Variants in POLK observed in about 807,000 individuals in gnomAD.
The protein encoded by POLK is polymerase (DNA directed) kappa.
In POLK, 76 loss-of-function variants were observed where a neutral mutation model predicts 94.0. The ratio of observed to expected loss-of-function variants is 0.81; its 90% CI spans 0.67 to 0.98. The LOEUF is 0.98. Ranked by LOEUF, POLK falls within the 50% of genes least tolerant of loss-of-function variation. The probability of loss-of-function intolerance (pLI) is 0.00; values close to 1 mark genes in which losing one functional copy is unlikely to be tolerated. For synonymous variants in POLK, 349 were observed against 325.4 expected, an observed-to-expected ratio of 1.07 and a Z score of -0.78; for missense variants, 954 against 1,010.1, an observed-to-expected ratio of 0.94 and a Z score of 0.75.
At chr5:75,540,809 G>T (rs138256358) in intron 1 of POLK, among the ~76,000 whole-genome samples, 1 of 152,148 alleles carries the variant, frequency 6.6e-6, no homozygotes, top group African/African-American at 2.4e-5. Flanking sequence ...AGTGCCCAAA[G>T]AAACTCCCAG....
At chr5:75,547,063 A>G in exon 2 of POLK, 1 of 1,534,190 alleles carries the variant, frequency 6.5e-7, no homozygotes, top group Non-Finnish European at 8.9e-7. Context: ...TACAAAGATG[A>G]TCTTCTGCTT....
At chr5:75,547,037 G>A (rs1023215944) in exon 2 of POLK, 4 of 1,525,536 alleles carry the variant, frequency 2.6e-6, no homozygotes, top group Non-Finnish European at 3.6e-6. Flanking sequence ...ATAGCACAAA[G>A]GAGAAGTGTG....
chr5:75,513,503 C>A (rs992001968), intron 1 of POLK, among the ~76,000 whole-genome samples: 2 of 152,216 alleles, frequency 1.3e-5, no homozygotes, highest in South Asian at 2.1e-4. Context: ...TTCTAACATT[C>A]GAGAATAAGA....
At chr5:75,531,320 G>T (rs974482371) in intron 1 of POLK, among the ~76,000 whole-genome samples, 17 of 148,870 alleles carry the variant, frequency 1.1e-4, no homozygotes, top group African/African-American at 3.7e-4. Context: ...TATATATTTA[G>T]TATATAGTAT....
intron 1 of POLK, among the ~76,000 whole-genome samples, chr5:75,527,964 G>A (rs1768954414): frequency 6.6e-6 from 1 of 152,132 alleles, no homozygotes. Flanking sequence ...ACACTGCACA[G>A]CCATTAAAAA....
chr5:75,546,424 T>A (rs1403889657), intron 1 of POLK, among the ~76,000 whole-genome samples: 1 of 152,144 alleles, frequency 6.6e-6, no homozygotes, highest in African/African-American at 2.4e-5. Context: ...AATTCAAATA[T>A]AAGTGGATCC....
chr5:75,573,762 A>T lies in POLK; in HGVS notation c.433A>T (p.Arg145Ter). Residue 145 changes from arginine (R) to a stop codon, truncating the protein, a stop_gained, in exon 5 of 15, where the codon AGA (arginine) becomes TGA (stop). Coordinates refer to ENST00000241436, the Ensembl canonical transcript of POLK. LOFTEE classifies it high-confidence loss of function. ...GTCTACTTCAAATTACCATGCAAGG[A>T]GATTTGGTGTTCGTGCAGCCATGCC... The T allele has an allele frequency of 6.2e-7, 1 of 1,613,092 alleles. No homozygotes were observed. Among genetic ancestry groups the T allele is most frequent in the South Asian group, 1.1e-5 (1 of 91,052 alleles).
At chr5:75,596,532 A>G (rs747532032) in exon 13 of POLK, 10 of 1,613,968 alleles carry the variant, frequency 6.2e-6, no homozygotes, top group Non-Finnish European at 6.8e-6. Context: ...TGGAAATATC[A>G]GAGAATTCAG....
At chr5:75,556,649 T>C (rs903828581) in intron 3 of POLK, among the ~76,000 whole-genome samples, 152 of 152,262 alleles carry the variant, frequency 1.0e-3, no homozygotes, top group African/African-American at 3.4e-3. Flanking sequence ...GTTTTGCATT[T>C]TACAGTTAGG....
chr5:75,569,288 TGTTTCAA>T (rs1771454683), intron 3 of POLK, 45 bp from the exon 4 acceptor site: 2 of 1,210,912 alleles, frequency 1.7e-6, no homozygotes, highest in Non-Finnish European at 2.4e-6. Context: ...TGGTTAATGG[TGTTTCAA>T]TATTATGTTG....
At chr5:75,594,111 T>A in intron 12 of POLK, 62 bp downstream of exon 12, 1 of 1,313,182 alleles carries the variant, frequency 7.6e-7, no homozygotes, top group Non-Finnish European at 1.1e-6. Context: ...AATAATCAAC[T>A]TTGGGAATAC....
In POLK at chr5:75,537,485, A is replaced by G. The variant is rs114873381; in HGVS notation, c.-13-9525A>G. On this transcript the variant is annotated intron_variant, in intron 1 of 14. Transcript: ENST00000241436. ...TTCCCTGCTGCCTTGATAGATCTCA[A>G]CGTTGTTTCTCAGATGATCAGCTTG... Among the ~76,000 whole-genome samples the G allele has an allele frequency of 5.2e-3, 799 of 152,194 alleles. 3 individuals carry two copies. The highest frequency in any genetic ancestry group is 0.011 in the South Asian group (54 of 4,794).
intron 3 of POLK, among the ~76,000 whole-genome samples, chr5:75,564,077 A>G (rs1008076688): frequency 1.3e-5 from 2 of 152,146 alleles, no homozygotes; most frequent in African/African-American, 4.8e-5. Context: ...TCTGGGTGCT[A>G]CTGCATTGGG....
Position 75,515,620 on chromosome 5 carries a change from C to CGTA in POLK, c.-14+3714_-14+3716dup, listed in dbSNP as rs535504156. On this transcript the variant is annotated intron_variant, in intron 1 of 14. Coordinates refer to ENST00000241436, the Ensembl canonical transcript of POLK. ...TATTGATTTCCCTTTTGGATATATA[C>CGTA]GTAGTAGTAGAATTGCTAGATCATA... Among the ~76,000 whole-genome samples, 927 of 152,248 alleles carry CGTA rather than the reference C, an allele frequency of 6.1e-3. 5 individuals are homozygous for CGTA. Among genetic ancestry groups the CGTA allele is most frequent in the Non-Finnish European group, 9.2e-3 (626 of 68,008 alleles).
intron 10 of POLK, among the ~76,000 whole-genome samples, chr5:75,589,380 TACACACATACACAC>T (rs1181256372): frequency 2.6e-3 from 173 of 67,790 alleles, no homozygotes; most frequent in African/African-American, 8.9e-3. Context: ...TTTATATATA[TACACACATACACAC>T]ACACACACAC....
chr5:75,597,099 A>G (rs749157103), exon 13 of POLK: 1 of 1,613,164 alleles, frequency 6.2e-7, no homozygotes. Context: ...ATGTTTGCTT[A>G]AATAAAAGTT....
exon 4 of POLK, chr5:75,569,366 A>G: frequency 6.2e-7 from 1 of 1,612,084 alleles, no homozygotes; most frequent in Non-Finnish European, 8.5e-7. Context: ...TGGAATTAGA[A>G]CAAAGCCGAA....
At chr5:75,551,202 A>G (rs1166594729) in intron 2 of POLK, among the ~76,000 whole-genome samples, 1 of 152,218 alleles carries the variant, frequency 6.6e-6, no homozygotes, top group Non-Finnish European at 1.5e-5. Context: ...GTGATACTAG[A>G]AGAACAATCA....
chr5:75,547,658 G>A (rs1451838611), intron 2 of POLK, among the ~76,000 whole-genome samples: 1 of 152,138 alleles, frequency 6.6e-6, no homozygotes, highest in Non-Finnish European at 1.5e-5. Context: ...ATATGTGCAA[G>A]TATAACTGTG....
Sources: gnomAD v4.1 joint callset for allele counts (sites outside exome capture counted in the v4.1 genomes callset) on GRCh38, gnomAD v4.1.1 for gene constraint, MANE v1.5 for transcripts, NCBI Gene and HGNC (gene_info 2026-07-23, HGNC 2026-07-21) for gene names.